Variants in TSPAN5 observed in about 807,000 individuals in gnomAD.
The protein encoded by TSPAN5 is tetraspanin-5.
Under a neutral mutation model 37.1 loss-of-function variants are expected in TSPAN5, and 10 were observed. That is an observed-to-expected ratio of 0.27 (90% CI 0.17 to 0.46). TSPAN5 has a LOEUF of 0.46. Ranked by LOEUF, TSPAN5 falls within the 20% of genes least tolerant of loss-of-function variation. TSPAN5 has a pLI of 1.00. For synonymous variants in TSPAN5, 110 were observed against 118.9 expected (o/e 0.93, Z 0.48); for missense variants, 195 against 326.6 (o/e 0.60, Z 3.11).
At chr4:98,588,926 A>G (rs1311093059) in intron 1 of TSPAN5, among the ~76,000 whole-genome samples, 3 of 152,224 alleles carry the variant, frequency 2.0e-5, no homozygotes, top group African/African-American at 7.2e-5. Flanking sequence ...ATAAAAGGAT[A>G]GATTAACAAC....
intron 2 of TSPAN5, among the ~76,000 whole-genome samples, chr4:98,492,859 T>A (rs757536268): frequency 2.0e-5 from 3 of 152,220 alleles, no homozygotes; most frequent in African/African-American, 7.2e-5. Flanking sequence ...CAATTCTGCA[T>A]GTAAACTTGA....
intron 1 of TSPAN5, among the ~76,000 whole-genome samples, chr4:98,656,512 C>T (rs1336627006): frequency 6.6e-6 from 1 of 152,172 alleles, no homozygotes; most frequent in Non-Finnish European, 1.5e-5. Flanking sequence ...CTACCCACCA[C>T]TTTTAAACAT....
chr4:98,555,319 C>T (rs1194852761), intron 1 of TSPAN5, among the ~76,000 whole-genome samples: 4 of 152,174 alleles, frequency 2.6e-5, no homozygotes, highest in Admixed American at 2.6e-4. Context: ...CTATATCAAG[C>T]AATTTTTGAC....
At chr4:98,548,833 G>A (rs1754531117) in intron 1 of TSPAN5, among the ~76,000 whole-genome samples, 1 of 151,874 alleles carries the variant, frequency 6.6e-6, no homozygotes, top group Admixed American at 6.6e-5. Flanking sequence ...TTCCATCCAT[G>A]TTGCTCCAAA....
At chr4:98,650,559 AC>A (rs1029852693) in intron 1 of TSPAN5, among the ~76,000 whole-genome samples, 3 of 152,110 alleles carry the variant, frequency 2.0e-5, no homozygotes, top group Non-Finnish European at 4.4e-5. Context: ...GAAAAACTAA[AC>A]CCTGTGGTAT....
At chr4:98,600,114 C>T (rs1755850510) in intron 1 of TSPAN5, among the ~76,000 whole-genome samples, 1 of 151,998 alleles carries the variant, frequency 6.6e-6, no homozygotes. Flanking sequence ...GTGTGCAATG[C>T]CATCATGTCT....
chr4:98,553,720 C>A (rs1754671514), intron 1 of TSPAN5, among the ~76,000 whole-genome samples: 2 of 152,094 alleles, frequency 1.3e-5, no homozygotes, highest in African/African-American at 4.8e-5. Context: ...CAAGACCATG[C>A]AAAACCAAAC....
chr4:98,629,412 T>C (rs1480154188), intron 1 of TSPAN5, among the ~76,000 whole-genome samples: 3 of 152,224 alleles, frequency 2.0e-5, no homozygotes, highest in Non-Finnish European at 4.4e-5. Flanking sequence ...ACAGCACTTA[T>C]AACACTGCCT....
At chr4:98,647,671 G>A (rs2110286550) in intron 1 of TSPAN5, among the ~76,000 whole-genome samples, 1 of 151,972 alleles carries the variant, frequency 6.6e-6, no homozygotes, top group East Asian at 1.9e-4. Flanking sequence ...TTTGCCATTT[G>A]TAGATGTTTT....
At chr4:98,624,085 T>C (rs1756538025) in intron 1 of TSPAN5, among the ~76,000 whole-genome samples, 1 of 152,154 alleles carries the variant, frequency 6.6e-6, no homozygotes, top group Non-Finnish European at 1.5e-5. Context: ...AATAAAATCA[T>C]TGCATTAGTC....
chr4:98,499,699 T>C (rs1443359437), intron 2 of TSPAN5, among the ~76,000 whole-genome samples: 2 of 138,400 alleles, frequency 1.4e-5, no homozygotes, highest in Non-Finnish European at 3.0e-5. Flanking sequence ...CTCACTCTGC[T>C]GCCCAGGCTG....
intron 1 of TSPAN5, among the ~76,000 whole-genome samples, chr4:98,601,402 A>G (rs1477858864): frequency 2.0e-5 from 3 of 152,226 alleles, no homozygotes; most frequent in African/African-American, 7.2e-5. Context: ...CAATTATCTT[A>G]GCTAGATCTT....
chr4:98,653,680 A>G (rs1307990594), intron 1 of TSPAN5, among the ~76,000 whole-genome samples: 1 of 152,212 alleles, frequency 6.6e-6, no homozygotes, highest in East Asian at 1.9e-4. Context: ...CAACAACAGT[A>G]ATGATATTCA....
chr4:98,603,851 G>A (rs1487129365), intron 1 of TSPAN5, among the ~76,000 whole-genome samples: 1 of 152,162 alleles, frequency 6.6e-6, no homozygotes, highest in East Asian at 1.9e-4. Context: ...GCTGAAACCA[G>A]CTCCAGTCAT....
At chr4:98,536,431 G>T (rs1754234934) in intron 1 of TSPAN5, among the ~76,000 whole-genome samples, 1 of 152,200 alleles carries the variant, frequency 6.6e-6, no homozygotes, top group African/African-American at 2.4e-5. Flanking sequence ...TGTATGAGGT[G>T]TCCGTCGGCC....
intron 1 of TSPAN5, among the ~76,000 whole-genome samples, chr4:98,520,700 G>A (rs1395276505): frequency 1.3e-5 from 2 of 152,186 alleles, no homozygotes; most frequent in Non-Finnish European, 2.9e-5. Context: ...CAAACACAGG[G>A]AAGACATTTG....
intron 1 of TSPAN5, chr4:98,657,826 T>C (rs978319983): frequency 5.8e-6 from 2 of 342,816 alleles, no homozygotes; most frequent in Non-Finnish European, 1.1e-5. Context: ...CAAATCCAAT[T>C]CGTGTGGTTG....
In TSPAN5 at chr4:98,528,804, T is replaced by C. The variant is rs576700732; in HGVS notation, c.82-21076A>G. 2.0e-5 allele frequency among the ~76,000 whole-genome samples: 3 copies of C among 152,290 alleles called. No homozygotes were observed. In the South Asian group the frequency reaches 6.2e-4, roughly 32 times the overall value. The stretch of plus-strand genomic sequence containing the variant: ...CACTACTATAAACTATTCTGCAAGG[T>C]GTATGTACAAGGGCTAGCTAGACCT... On this transcript the variant is annotated intron_variant, in intron 1 of 7. Transcript: ENST00000305798.
At chr4:98,513,616 A>C (rs1026753132) in intron 1 of TSPAN5, among the ~76,000 whole-genome samples, 2 of 152,086 alleles carry the variant, frequency 1.3e-5, no homozygotes, top group African/African-American at 4.8e-5. Flanking sequence ...TCTTCTACAG[A>C]GACTATGGCT....
Sources: gnomAD v4.1 joint callset for allele counts (sites outside exome capture counted in the v4.1 genomes callset) on GRCh38, gnomAD v4.1.1 for gene constraint, MANE v1.5 for transcripts, NCBI Gene and HGNC (gene_info 2026-07-23, HGNC 2026-07-21) for gene names.